The following MARCHF1 variants were observed in gnomAD, a reference collection of about 807,000 sequenced individuals.
MARCHF1 encodes the protein membrane associated ring-CH-type finger 1, also known as E3 ubiquitin-protein ligase MARCHF1.
In MARCHF1, 40 loss-of-function variants were observed where a neutral mutation model predicts 54.2. The ratio of observed to expected loss-of-function variants is 0.74; its 90% CI spans 0.57 to 0.96. The LOEUF is 0.96. Ranked by LOEUF, MARCHF1 falls within the 40% of genes least tolerant of loss-of-function variation. The pLI, the probability that MARCHF1 is intolerant of heterozygous loss-of-function variation, is 0.00. For missense variants in MARCHF1, 586 were observed against 656.5 expected, an observed-to-expected ratio of 0.89 and a Z score of 1.17; for synonymous variants, 236 against 236.3, an observed-to-expected ratio of 1.00 and a Z score of 0.01.
intron 5 of MARCHF1, among the ~76,000 whole-genome samples, chr4:163,639,776 T>G (rs1328798601): frequency 1.3e-5 from 2 of 151,988 alleles, no homozygotes; most frequent in Non-Finnish European, 2.9e-5. Context: ...CAAAAGAAAG[T>G]AAGATCTAAT....
At chr4:164,279,365 A>G (rs1056050755) in intron 1 of MARCHF1, among the ~76,000 whole-genome samples, 7 of 151,576 alleles carry the variant, frequency 4.6e-5, no homozygotes, top group Non-Finnish European at 8.9e-5. Flanking sequence ...TTTTGAAATA[A>G]TGATAAAATA....
intron 1 of MARCHF1, among the ~76,000 whole-genome samples, chr4:164,164,379 C>G (rs994044874): frequency 5.3e-5 from 8 of 151,566 alleles, no homozygotes; most frequent in African/African-American, 1.9e-4. Context: ...ACACATGTAC[C>G]AACATCAGGA....
intron 5 of MARCHF1, among the ~76,000 whole-genome samples, chr4:163,676,343 G>A (rs1743919566): frequency 6.9e-6 from 1 of 145,652 alleles, no homozygotes; most frequent in Admixed American, 6.8e-5. Context: ...GGCAACAAGA[G>A]CAAAACTCTG....
At chr4:163,530,409 ATCT>A (rs567388118) in intron 9 of MARCHF1, 27 of 152,082 alleles carry the variant, frequency 1.8e-4, no homozygotes, top group South Asian at 1.2e-3. Context: ...AATCATGGTA[ATCT>A]TCTTTATATT....
chr4:164,146,640 AT>A (rs1729751684), intron 1 of MARCHF1, among the ~76,000 whole-genome samples: 2 of 151,946 alleles, frequency 1.3e-5, no homozygotes, highest in Non-Finnish European at 2.9e-5. Context: ...CTGAAACTGG[AT>A]CCCTTCCTTA....
At chr4:164,076,060 A>C (rs1243466051) in intron 2 of MARCHF1, among the ~76,000 whole-genome samples, 1 of 152,106 alleles carries the variant, frequency 6.6e-6, no homozygotes, top group African/African-American at 2.4e-5. Context: ...GCTTAAAAGA[A>C]GTGCTTGGTC....
intron 4 of MARCHF1, among the ~76,000 whole-genome samples, chr4:163,756,190 T>C (rs970818237): frequency 6.6e-6 from 1 of 152,182 alleles, no homozygotes; most frequent in African/African-American, 2.4e-5. Context: ...AGGTTGAACA[T>C]TGAGACACAA....
chr4:163,612,749 G>A lies in MARCHF1; in HGVS notation c.532C>T (p.Gln178Ter). The A allele has an allele frequency of 3.9e-6, 6 of 1,535,344 alleles. No individual in the cohort carries two copies. The highest frequency in any genetic ancestry group is 5.2e-6 in the Non-Finnish European group (6 of 1,146,480). Reference sequence around the variant, plus strand: ...CTTCTTGACAGTCTGAATTTAACCTGGGCTCTTCTTTTTGCCTGAATCCAA... The same window carrying A: ...CTTCTTGACAGTCTGAATTTAACCTAGGCTCTTCTTTTTGCCTGAATCCAA... ...SHWIQAKRRAQVKFRLSRRRR... is the reference protein window; with the variant it reads ...SHWIQAKRRA Residue 178 changes from glutamine to a stop codon, truncating the protein, a stop_gained, in exon 7 of 10, where the codon CAG becomes TAG. Coordinates refer to ENST00000514618, the MANE Select transcript of MARCHF1 (RefSeq NM_001394959.1). LOFTEE classifies it high-confidence loss of function.
chr4:163,770,767 A>T (rs1747135734), intron 4 of MARCHF1, among the ~76,000 whole-genome samples: 1 of 152,218 alleles, frequency 6.6e-6, no homozygotes, highest in South Asian at 2.1e-4. Flanking sequence ...GGGAAGAAAA[A>T]GTTCTTCAAC....
chr4:163,778,967 C>A (rs1316875463), intron 4 of MARCHF1, among the ~76,000 whole-genome samples: 2 of 151,978 alleles, frequency 1.3e-5, no homozygotes, highest in South Asian at 2.1e-4. Flanking sequence ...TGCTTGTACC[C>A]CATACACTTA....
chr4:164,062,555 C>T (rs564083987), intron 2 of MARCHF1, among the ~76,000 whole-genome samples: 22 of 152,160 alleles, frequency 1.4e-4, no homozygotes, highest in South Asian at 4.1e-4. Context: ...GACAGAGTCT[C>T]GCTCTGTTGC....
At chr4:164,269,204 C>T (rs1733683374) in intron 1 of MARCHF1, among the ~76,000 whole-genome samples, 1 of 152,156 alleles carries the variant, frequency 6.6e-6, no homozygotes, top group Non-Finnish European at 1.5e-5. Context: ...ACGATAAGCA[C>T]TATCACAAGG....
chr4:164,366,917 C>CCAACCTCA (rs4055911), intron 1 of MARCHF1, among the ~76,000 whole-genome samples: 77,471 of 151,110 alleles, frequency 0.51, 20,733 homozygotes, highest in East Asian at 0.65. Context: ...TTACTAAGCA[C>CCAACCTCA]CAACCTCACA....
chr4:163,901,662 G>T (rs1750943528), intron 3 of MARCHF1, among the ~76,000 whole-genome samples: 1 of 152,156 alleles, frequency 6.6e-6, no homozygotes, highest in Admixed American at 6.6e-5. Flanking sequence ...GAAGGCCTAG[G>T]CAGTAAAGAT....
chr4:164,183,333 A>G (rs1161215587), intron 1 of MARCHF1, among the ~76,000 whole-genome samples: 1 of 152,174 alleles, frequency 6.6e-6, no homozygotes, highest in Non-Finnish European at 1.5e-5. Flanking sequence ...TTTGAGAATT[A>G]TCTGTTCAAA....
In MARCHF1 at chr4:163,548,887, A is replaced by G. The variant is rs1739002591; in HGVS notation, c.1192-3144T>C. 2.0e-5 allele frequency among the ~76,000 whole-genome samples: 3 copies of G among 152,248 alleles called. No homozygotes were observed. The South Asian group carries it at 6.2e-4, about 32-fold the overall frequency. On this transcript the variant is annotated intron_variant, in intron 8 of 9. Transcript: ENST00000514618. ...CAAAGCTGTCATGAAAGTGCCTTCA[A>G]TTAATATTCATGATGCTGAAATTCA...
In MARCHF1 at chr4:164,104,952, G is replaced by A. The variant is rs1314908151; in HGVS notation, c.-248+6636C>T. ...TAAAATCAATGTACAAAAATCACAAGCATTCTTATACACCAACAACAGACA... is the reference window on the plus strand; with the variant it reads ...TAAAATCAATGTACAAAAATCACAAACATTCTTATACACCAACAACAGACA... On this transcript the variant is annotated intron_variant, in intron 2 of 9. Transcript: ENST00000514618. Among the ~76,000 whole-genome samples, 5 of 60,926 alleles carry A rather than the reference G, an allele frequency of 8.2e-5. 1 individual carries two copies. The highest frequency in any genetic ancestry group is 2.0e-4 in the African/African-American group (5 of 24,812). The allele number at this position is 60,926 out of a possible 152,430, so 40.0% of individuals were successfully genotyped here. A position where few individuals can be genotyped will look rare whatever the true frequency, so the allele number is the denominator to read the frequency against.
chr4:164,315,639 A>C (rs1389260236), intron 1 of MARCHF1, among the ~76,000 whole-genome samples: 2 of 152,196 alleles, frequency 1.3e-5, no homozygotes, highest in Admixed American at 6.5e-5. Context: ...GCCCCAGGCC[A>C]GCTGATGACC....
chr4:164,323,824 A>G (rs1735205083), intron 1 of MARCHF1, among the ~76,000 whole-genome samples: 1 of 151,752 alleles, frequency 6.6e-6, no homozygotes, highest in Non-Finnish European at 1.5e-5. Context: ...AATTAGCTAT[A>G]AAGAGATCGG....
Sources: allele counts gnomAD v4.1 joint callset (sites outside exome capture counted in the v4.1 genomes callset), GRCh38; gene constraint gnomAD v4.1.1; transcripts MANE v1.5; gene names NCBI Gene and HGNC (gene_info 2026-07-23, HGNC 2026-07-21).